Variants in MIR2052HG observed in about 807,000 individuals in gnomAD.
MIR2052HG encodes the protein MIR2052 host gene.
intron 2 of MIR2052HG, among the ~76,000 whole-genome samples, chr8:74,630,622 G>C (rs1808497361): frequency 1.3e-5 from 2 of 151,466 alleles, no homozygotes; most frequent in Admixed American, 1.3e-4. Context: ...AAAAACATTC[G>C]ACTGAGCTTC....
intron 4 of MIR2052HG, among the ~76,000 whole-genome samples, chr8:74,712,970 G>A (rs949437681): frequency 1.3e-5 from 2 of 152,110 alleles, no homozygotes; most frequent in South Asian, 2.1e-4. Context: ...GATAATAAAG[G>A]AAAGCACATA....
chr8:74,719,339 A>T (rs1809551047), intron 4 of MIR2052HG, among the ~76,000 whole-genome samples: 1 of 152,190 alleles, frequency 6.6e-6, no homozygotes, highest in Non-Finnish European at 1.5e-5. Context: ...AAAGGGAATA[A>T]TGGAGATTGC....
chr8:74,605,946 G>C (rs929364832), intron 1 of MIR2052HG, among the ~76,000 whole-genome samples: 1 of 152,154 alleles, frequency 6.6e-6, no homozygotes, highest in Non-Finnish European at 1.5e-5. Flanking sequence ...TGATTTAGCC[G>C]GCGGCCAAGA....
chr8:74,601,859 A>G (rs1309725419), intron 1 of MIR2052HG, among the ~76,000 whole-genome samples: 1 of 152,232 alleles, frequency 6.6e-6, no homozygotes, highest in African/African-American at 2.4e-5. Flanking sequence ...TATTTAAGTG[A>G]ATAAATCTCA....
At chr8:74,601,445 C>T (rs1444395309) in intron 1 of MIR2052HG, among the ~76,000 whole-genome samples, 2 of 152,154 alleles carry the variant, frequency 1.3e-5, no homozygotes, top group East Asian at 3.9e-4. Flanking sequence ...CTCATCTGTA[C>T]GTGTTAAAAT....
intron 2 of MIR2052HG, among the ~76,000 whole-genome samples, chr8:74,690,667 A>C (rs1381600876): frequency 6.6e-6 from 1 of 152,016 alleles, no homozygotes; most frequent in Non-Finnish European, 1.5e-5. Flanking sequence ...TAAAATAAAA[A>C]TAAAAATAAA....
chr8:74,602,818 T>TTTC (rs1563508382), intron 1 of MIR2052HG, among the ~76,000 whole-genome samples: 1 of 69,226 alleles, frequency 1.4e-5, no homozygotes, highest in Non-Finnish European at 3.1e-5. Context: ...CCCGGCCGTG[T>TTTC]TTCTTTCTTT....
chr8:74,607,125 A>C (rs886628195), intron 1 of MIR2052HG, among the ~76,000 whole-genome samples: 9 of 152,064 alleles, frequency 5.9e-5, no homozygotes, highest in African/African-American at 2.2e-4. Flanking sequence ...AAACTTAAAA[A>C]AAAAAAAAGA....
intron 2 of MIR2052HG, among the ~76,000 whole-genome samples, chr8:74,665,145 C>CT (rs1162369897): frequency 2.6e-5 from 4 of 152,192 alleles, no homozygotes; most frequent in African/African-American, 9.7e-5. Context: ...TTACCATCTT[C>CT]TCCAGAACAC....
intron 2 of MIR2052HG, among the ~76,000 whole-genome samples, chr8:74,615,612 C>CT (rs562592157): frequency 0.018 from 2,690 of 147,026 alleles, 25 homozygotes; most frequent in Non-Finnish European, 0.024. Context: ...TTCTCATCTT[C>CT]TTTTTTTTTT....
intron 2 of MIR2052HG, among the ~76,000 whole-genome samples, chr8:74,650,595 T>C (rs1310561504): frequency 6.6e-6 from 1 of 152,152 alleles, no homozygotes; most frequent in Non-Finnish European, 1.5e-5. Flanking sequence ...GATAGATGAG[T>C]ATGGTGTGGT....
At chr8:74,664,862 G>A (rs1434844490) in intron 2 of MIR2052HG, among the ~76,000 whole-genome samples, 1 of 152,094 alleles carries the variant, frequency 6.6e-6, no homozygotes, top group Non-Finnish European at 1.5e-5. Flanking sequence ...CAACTTCCTG[G>A]ACTTTGCATC....
intron 2 of MIR2052HG, among the ~76,000 whole-genome samples, chr8:74,678,080 G>A (rs1444132684): frequency 6.6e-6 from 1 of 152,088 alleles, no homozygotes; most frequent in East Asian, 1.9e-4. Context: ...ACTGACAGAA[G>A]AGGAAATAAA....
intron 1 of MIR2052HG, among the ~76,000 whole-genome samples, chr8:74,600,604 C>T (rs983666548): frequency 6.6e-6 from 1 of 151,002 alleles, no homozygotes; most frequent in Non-Finnish European, 1.5e-5. Context: ...AAAAAAGAGA[C>T]GGAGCTCTGT....
intron 2 of MIR2052HG, among the ~76,000 whole-genome samples, chr8:74,690,007 A>G (rs952377936): frequency 6.6e-6 from 1 of 152,202 alleles, no homozygotes; most frequent in African/African-American, 2.4e-5. Flanking sequence ...TGATAACTTA[A>G]TGAAGAAGAG....
At chr8:74,676,018 A>G (rs540625363) in intron 2 of MIR2052HG, among the ~76,000 whole-genome samples, 130 of 152,140 alleles carry the variant, frequency 8.5e-4, no homozygotes, top group African/African-American at 3.0e-3. Context: ...CAAACACACT[A>G]TTATTCTCAA....
intron 2 of MIR2052HG, among the ~76,000 whole-genome samples, chr8:74,684,995 G>T (rs1428444509): frequency 6.6e-6 from 1 of 152,068 alleles, no homozygotes; most frequent in Non-Finnish European, 1.5e-5. Flanking sequence ...ATGATTGTCA[G>T]CTTTCAGCAA....
At chr8:74,611,542 T>A (rs1043347292) in intron 1 of MIR2052HG, among the ~76,000 whole-genome samples, 23 of 152,334 alleles carry the variant, frequency 1.5e-4, no homozygotes, top group African/African-American at 5.3e-4. Flanking sequence ...CATCCCCTGC[T>A]GTAATGTAAA....
At chr8:74,618,716 T>C (rs1808319063) in intron 2 of MIR2052HG, among the ~76,000 whole-genome samples, 1 of 152,214 alleles carries the variant, frequency 6.6e-6, no homozygotes, top group Non-Finnish European at 1.5e-5. Flanking sequence ...TTAAAGATTT[T>C]CCTGTGAGAT....
Sources: allele counts gnomAD v4.1 joint callset (sites outside exome capture counted in the v4.1 genomes callset), GRCh38; gene constraint gnomAD v4.1.1; transcripts MANE v1.5; gene names NCBI Gene and HGNC (gene_info 2026-07-23, HGNC 2026-07-21).